GPBP1: variants seen among roughly 807,000 people sequenced by gnomAD.
GPBP1 encodes the protein GC-rich promoter binding protein 1.
A neutral mutation model predicts 56.5 loss-of-function variants in GPBP1; 13 were observed. The ratio of observed to expected loss-of-function variants is 0.23; its 90% confidence interval spans 0.15 to 0.37. The LOEUF (loss-of-function observed/expected upper bound fraction) is 0.37. Among genes scored for constraint, GPBP1 ranks in the 10% least tolerant of loss-of-function variants. GPBP1 has a pLI of 1.00. For synonymous variants in GPBP1, 204 were observed against 188.9 expected, an observed-to-expected ratio of 1.08 and a Z score of -0.66; for missense variants, 477 against 572.3, an observed-to-expected ratio of 0.83 and a Z score of 1.70.
intron 2 of GPBP1, among the ~76,000 whole-genome samples, chr5:57,204,692 A>G (rs1561336724): frequency 6.6e-6 from 1 of 152,202 alleles, no homozygotes; most frequent in East Asian, 1.9e-4. Context: ...AGAATATTAC[A>G]GAAGTGGTGC....
chr5:57,191,586 C>T (rs1228740833), intron 2 of GPBP1, among the ~76,000 whole-genome samples: 1 of 150,212 alleles, frequency 6.7e-6, no homozygotes, highest in African/African-American at 2.5e-5. Context: ...TGTTTGAGAC[C>T]GAGTGTCACT....
At chr5:57,253,551 C>G (rs1026170582) in intron 10 of GPBP1, among the ~76,000 whole-genome samples, 1 of 152,170 alleles carries the variant, frequency 6.6e-6, no homozygotes, top group Non-Finnish European at 1.5e-5. Flanking sequence ...AACATTTTGT[C>G]CATCTTGTTC....
At chr5:57,175,179 T>G (rs1227414344) in intron 1 of GPBP1, among the ~76,000 whole-genome samples, 1 of 152,210 alleles carries the variant, frequency 6.6e-6, no homozygotes. Context: ...AATTCCCCAG[T>G]ATGGGATCTG....
intron 2 of GPBP1, among the ~76,000 whole-genome samples, chr5:57,203,822 C>G (rs1378687384): frequency 1.3e-5 from 2 of 152,124 alleles, no homozygotes; most frequent in African/African-American, 4.8e-5. Flanking sequence ...TGTTTCAGAT[C>G]ATGTGATCTG....
chr5:57,182,688 A>G (rs1403586261), intron 2 of GPBP1, among the ~76,000 whole-genome samples: 1 of 147,120 alleles, frequency 6.8e-6, no homozygotes, highest in Non-Finnish European at 1.5e-5. Flanking sequence ...TTTAATTCTT[A>G]TTTATTTATT....
chr5:57,231,464 G>T lies in GPBP1; in HGVS notation c.411+143G>T, dbSNP rs187744612. ...AATTTTTATATTTTTGTAGAGACAG[G>T]GTTTCACCAGGTTGGCCAGGCTGGT... is the stretch of plus-strand genomic sequence containing the variant. On this transcript the variant is annotated intron_variant, in intron 5 of 11. Coordinates refer to ENST00000506184, the MANE Select transcript of GPBP1 (RefSeq NM_022913.4). 1,948 of 681,404 alleles carry T rather than the reference G, an allele frequency of 2.9e-3. 7 individuals are homozygous for T. Among genetic ancestry groups the T allele is most frequent in the Middle Eastern group, 0.018 (43 of 2,400 alleles). 42.2% of individuals were successfully genotyped at this position (681,404 alleles called of 1,614,324 possible).
At chr5:57,177,113 T>G (rs1225173719) in intron 2 of GPBP1, among the ~76,000 whole-genome samples, 3 of 152,182 alleles carry the variant, frequency 2.0e-5, no homozygotes, top group Non-Finnish European at 4.4e-5. Context: ...TAAGAAAATA[T>G]GAGTATACAT....
intron 2 of GPBP1, among the ~76,000 whole-genome samples, chr5:57,203,976 G>T (rs955226573): frequency 6.6e-6 from 1 of 152,032 alleles, no homozygotes; most frequent in East Asian, 1.9e-4. Flanking sequence ...TTGAATAATA[G>T]GGCATTTACC....
chr5:57,219,627 G>T (rs1483110676), intron 3 of GPBP1, among the ~76,000 whole-genome samples: 1 of 151,946 alleles, frequency 6.6e-6, no homozygotes, highest in Non-Finnish European at 1.5e-5. Flanking sequence ...TTTTAAGTCA[G>T]CATTTTCCCC....
At chr5:57,223,321 C>G (rs1158065581) in intron 3 of GPBP1, among the ~76,000 whole-genome samples, 3 of 152,020 alleles carry the variant, frequency 2.0e-5, no homozygotes, top group African/African-American at 7.2e-5. Context: ...ATCTCCTGAC[C>G]CCTTGGTCCT....
At chr5:57,189,189 A>C (rs1354946683) in intron 2 of GPBP1, among the ~76,000 whole-genome samples, 1 of 152,082 alleles carries the variant, frequency 6.6e-6, no homozygotes, top group Admixed American at 6.6e-5. Flanking sequence ...CCACTATCTC[A>C]GTTCACTGCA....
At chr5:57,249,387 G>C in intron 8 of GPBP1, 22 bp from the exon 9 acceptor site, 1 of 1,554,222 alleles carries the variant, frequency 6.4e-7, no homozygotes, top group Non-Finnish European at 8.7e-7. Context: ...ATATTTATCA[G>C]TATTTCTGAA....
chr5:57,180,367 G>T (rs879298325), intron 2 of GPBP1, among the ~76,000 whole-genome samples: 1 of 152,002 alleles, frequency 6.6e-6, no homozygotes. Flanking sequence ...ATGATCACCT[G>T]CCTCAGCCTC....
intron 6 of GPBP1, among the ~76,000 whole-genome samples, chr5:57,236,492 C>T (rs1414147839): frequency 1.3e-5 from 2 of 152,012 alleles, no homozygotes; most frequent in East Asian, 3.8e-4. Flanking sequence ...TAGACTGTTA[C>T]AGATAATTGT....
intron 5 of GPBP1, among the ~76,000 whole-genome samples, chr5:57,234,808 A>G (rs1165216467): frequency 6.6e-6 from 1 of 152,140 alleles, no homozygotes; most frequent in African/African-American, 2.4e-5. Context: ...GACAGCCAGC[A>G]AGGAAATGGA....
intron 2 of GPBP1, among the ~76,000 whole-genome samples, chr5:57,188,257 T>A (rs1169543702): frequency 7.3e-6 from 1 of 136,622 alleles, no homozygotes; most frequent in Admixed American, 7.4e-5. Context: ...AAAAAAAAAA[T>A]GGTTGAAGCA....
intron 2 of GPBP1, among the ~76,000 whole-genome samples, chr5:57,181,803 C>G (rs1030387760): frequency 6.6e-6 from 1 of 152,174 alleles, no homozygotes; most frequent in African/African-American, 2.4e-5. Context: ...GGTCCATTAC[C>G]TTCAACAGAA....
At chr5:57,212,918 CTG>C (rs1271325676) in intron 2 of GPBP1, among the ~76,000 whole-genome samples, 1 of 152,036 alleles carries the variant, frequency 6.6e-6, no homozygotes, top group Non-Finnish European at 1.5e-5. Context: ...AGTGATCCAC[CTG>C]TCTGCCTCAG....
intron 11 of GPBP1, among the ~76,000 whole-genome samples, chr5:57,261,763 C>T (rs183942537): frequency 6.6e-6 from 1 of 152,112 alleles, no homozygotes; most frequent in African/African-American, 2.4e-5. Context: ...CCTTTTCTTG[C>T]ACAAGAGTAT....
Sources: gnomAD v4.1 joint callset for allele counts (sites outside exome capture counted in the v4.1 genomes callset) on GRCh38, gnomAD v4.1.1 for gene constraint, MANE v1.5 for transcripts, NCBI Gene and HGNC (gene_info 2026-07-23, HGNC 2026-07-21) for gene names.